GRAMD1B: variants seen among roughly 807,000 people sequenced by gnomAD.
GRAMD1B encodes GRAM domain containing 1B.
In GRAMD1B, 37 loss-of-function variants were observed where a neutral mutation model predicts 99.7. The observed-to-expected ratio is 0.37, with a 90% CI of 0.29 to 0.49. The LOEUF (loss-of-function observed/expected upper bound fraction) is 0.49, where lower values mean the gene tolerates loss of function less well. Ranked by LOEUF, GRAMD1B falls within the 20% of genes least tolerant of loss-of-function variation. The pLI is 0.98. For synonymous variants in GRAMD1B, 427 were observed against 387.6 expected, an observed-to-expected ratio of 1.10 and a Z score of -1.19; for missense variants, 888 against 1,009.2, an observed-to-expected ratio of 0.88 and a Z score of 1.63.
intron 10 of GRAMD1B, 45 bp from the exon 11 acceptor site, chr11:123,606,564 C>G (rs1481453538): frequency 2.6e-6 from 4 of 1,534,902 alleles, no homozygotes; most frequent in Admixed American, 1.9e-5. Context: ...AGAATAGATC[C>G]AGACCAGGTT....
At chr11:123,381,739 T>C (rs1198263391) in intron 1 of GRAMD1B, among the ~76,000 whole-genome samples, 1 of 152,232 alleles carries the variant, frequency 6.6e-6, no homozygotes, top group Non-Finnish European at 1.5e-5. Flanking sequence ...CTCTTGGAAC[T>C]ATGCTATTTT....
intron 1 of GRAMD1B, among the ~76,000 whole-genome samples, chr11:123,394,981 C>T (rs927082223): frequency 2.6e-5 from 4 of 152,208 alleles, no homozygotes; most frequent in Non-Finnish European, 1.5e-5. Context: ...GGGGAGCCCT[C>T]ATGGCCTAAT....
intron 2 of GRAMD1B, among the ~76,000 whole-genome samples, chr11:123,488,934 G>C (rs1042365472): frequency 1.3e-5 from 2 of 152,124 alleles, no homozygotes; most frequent in Admixed American, 6.6e-5. Flanking sequence ...ATAGTTAGGG[G>C]GGGGCGGTCC....
At chr11:123,550,705 A>G (rs996058981) in intron 2 of GRAMD1B, among the ~76,000 whole-genome samples, 1 of 152,190 alleles carries the variant, frequency 6.6e-6, no homozygotes, top group Non-Finnish European at 1.5e-5. Flanking sequence ...TTAAGACCTT[A>G]ATCCAGGATT....
rs1169492551 is a variant in GRAMD1B at position 123,526,125 on chromosome 11, C to T, written c.452+45232C>T. 4.3e-6 allele frequency: 7 copies of T among 1,610,432 alleles called. No individual in the cohort carries two copies. The Admixed American group carries it at 1.0e-4, about 23-fold the overall frequency. On this transcript the variant is annotated intron_variant, in intron 2 of 19. Transcript: ENST00000635736. Reference sequence around the variant, plus strand: ...GTAACGGGGATGCTAAGGACACGGTCAGTGGATTATCGTGACTGTACTAAT... The same window carrying T: ...GTAACGGGGATGCTAAGGACACGGTTAGTGGATTATCGTGACTGTACTAAT...
chr11:123,577,391 C>A lies in GRAMD1B; in HGVS notation c.477C>A (p.Ser159Arg). ...EESTASNSNR[S>R]TPACSPILRK... ...GCACTGCCAGTAACTCCAACCGCAG[C>A]ACGCCGGCCTGCTCGCCCATCCTCC... Residue 159 changes from serine (S) to arginine (R), a missense_variant, in exon 3 of 20, where the codon AGC becomes AGA. By Grantham distance (110) the Ser-to-Arg change is moderately radical (BLOSUM62 -1). This residue lies in a region of GRAMD1B where 233 missense variants were observed against 154.6 expected (regional missense o/e 1.51). Coordinates refer to ENST00000635736, the MANE Select transcript of GRAMD1B (RefSeq NM_001387025.1). 1 of 1,591,218 alleles carries A rather than the reference C, an allele frequency of 6.3e-7. No homozygotes were observed. Among genetic ancestry groups the A allele is most frequent in the East Asian group, 2.3e-5 (1 of 43,550 alleles).
chr11:123,613,713 T>C, intron 16 of GRAMD1B, 55 bp downstream of exon 16: 3 of 1,338,366 alleles, frequency 2.2e-6, no homozygotes, highest in Non-Finnish European at 3.2e-6. Flanking sequence ...TGGAGCTGCA[T>C]GCCCACACCA....
At chr11:123,433,632 T>A (rs914957051) in intron 1 of GRAMD1B, among the ~76,000 whole-genome samples, 1 of 151,866 alleles carries the variant, frequency 6.6e-6, no homozygotes, top group African/African-American at 2.4e-5. Context: ...ACCACTGCAT[T>A]TCAGCCATGG....
At chr11:123,389,112 C>A (rs550565208) in intron 1 of GRAMD1B, among the ~76,000 whole-genome samples, 3 of 152,098 alleles carry the variant, frequency 2.0e-5, no homozygotes, top group African/African-American at 7.2e-5. Context: ...CGACCGGGCA[C>A]GGTGGCTCAC....
chr11:123,468,249 G>A (rs901680618), intron 1 of GRAMD1B, among the ~76,000 whole-genome samples: 3 of 151,110 alleles, frequency 2.0e-5, no homozygotes, highest in Admixed American at 6.6e-5. Context: ...TCAGCAAGGC[G>A]TCTTTCTGGG....
rs1241918963 is a variant in GRAMD1B at position 123,601,124 on chromosome 11, A to G, written c.1050+576A>G. Among the ~76,000 whole-genome samples the G allele has an allele frequency of 3.9e-5, 6 of 152,286 alleles. No homozygotes were observed. In the East Asian group the frequency reaches 5.8e-4, roughly 15 times the overall value. ...AATATGAGCCTTGGATGGGCTGGCT[A>G]CTATGAAAGGCCCACTCCTGGATGA... On this transcript the variant is annotated intron_variant, in intron 8 of 19. Coordinates refer to ENST00000635736, the MANE Select transcript of GRAMD1B (RefSeq NM_001387025.1).
chr11:123,470,508 TTC>T (rs1393859656), intron 1 of GRAMD1B, among the ~76,000 whole-genome samples: 1 of 100,954 alleles, frequency 9.9e-6, no homozygotes, highest in African/African-American at 5.3e-5. Context: ...CTTTCTTTCT[TTC>T]TTTTTTTTTT....
At chr11:123,360,800 C>G (rs1225545030) in intron 1 of GRAMD1B, among the ~76,000 whole-genome samples, 1 of 138,232 alleles carries the variant, frequency 7.2e-6, no homozygotes, top group Non-Finnish European at 1.6e-5. Context: ...TCCTTCCTTC[C>G]TTCCTTCCTT....
rs1193235967 is a variant in GRAMD1B, at chr11:123,423,889, T to A, written c.-175-56927T>A. On this transcript the variant is annotated intron_variant, in intron 1 of 20. Coordinates refer to the GRAMD1B transcript ENST00000638157. The stretch of plus-strand genomic sequence containing the variant: ...GAGTTGTTGCAAGAGTCAGCTGGGA[T>A]TTTGTGGGTGAAGCACTCAGCACAG... 2.0e-5 allele frequency among the ~76,000 whole-genome samples: 3 copies of A among 152,104 alleles called. No homozygotes were observed. The South Asian group carries it at 6.2e-4, about 32-fold the overall frequency.
intron 2 of GRAMD1B, among the ~76,000 whole-genome samples, chr11:123,526,494 A>G (rs1942766002): frequency 6.6e-6 from 1 of 152,158 alleles, no homozygotes; most frequent in Non-Finnish European, 1.5e-5. Flanking sequence ...ACTTTATAAT[A>G]AAGAAACATC....
At chr11:123,388,463 A>G (rs887737174) in intron 1 of GRAMD1B, among the ~76,000 whole-genome samples, 3 of 152,024 alleles carry the variant, frequency 2.0e-5, no homozygotes, top group Non-Finnish European at 4.4e-5. Flanking sequence ...ACTTGAGTCC[A>G]GGAGTTTGAG....
Position 123,614,784 on chromosome 11 carries a change from A to T in GRAMD1B, c.2267A>T (p.Asn756Ile). ...QTRHIPEDTP[N>I]GFHLQSVSKL... is the part of the protein sequence containing the mutation. ...CGGCATATCCCGGAGGACACCCCCA[A>T]CGGTTTCCACCTGCAGAGCGTGTCC... The change falls in exon 17 of 20, where the codon AAC (asparagine) becomes ATC (isoleucine). Residue 756 changes from asparagine to isoleucine, a missense_variant. By Grantham distance (149) the Asn-to-Ile change is moderately radical. Transcript: ENST00000635736. 1 of 1,612,418 alleles carries T rather than the reference A, an allele frequency of 6.2e-7. No individual in the cohort carries two copies. The highest frequency in any genetic ancestry group is 8.5e-7 in the Non-Finnish European group (1 of 1,178,656).
intron 2 of GRAMD1B, among the ~76,000 whole-genome samples, chr11:123,495,175 C>T (rs184498970): frequency 1.3e-5 from 2 of 151,412 alleles, no homozygotes; most frequent in East Asian, 3.9e-4. Context: ...TATGTGTGTA[C>T]TTCTGTACTA....
chr11:123,450,633 C>T (rs564091538), intron 1 of GRAMD1B, among the ~76,000 whole-genome samples: 68 of 152,288 alleles, frequency 4.5e-4, no homozygotes, highest in African/African-American at 1.5e-3. Context: ...AAGTGTCTTC[C>T]ATACTGCTTT....
Sources: gnomAD v4.1 joint callset for allele counts (sites outside exome capture counted in the v4.1 genomes callset) on GRCh38, gnomAD v4.1.1 for gene constraint, gnomAD v4.1.1 regional missense constraint, MANE v1.5 for transcripts, NCBI Gene and HGNC (gene_info 2026-07-23, HGNC 2026-07-21) for gene names.